The following LSAMP variants were observed in gnomAD, a reference collection of about 807,000 sequenced individuals.
The protein encoded by LSAMP is limbic system-associated membrane protein.
Under a neutral mutation model 38.6 loss-of-function variants are expected in LSAMP, and 7 were observed. The observed-to-expected ratio is 0.18, with a 90% CI of 0.10 to 0.34. The LOEUF is 0.34. LSAMP is among the 10% of genes least tolerant of loss of function. LSAMP has a pLI of 1.00. For missense variants in LSAMP, 313 were observed against 420.0 expected (o/e 0.75, Z 2.23); for synonymous variants, 154 against 166.8 (o/e 0.92, Z 0.59).
At chr3:115,962,559 CTG>C (rs1486416662) in intron 3 of LSAMP, among the ~76,000 whole-genome samples, 1 of 152,158 alleles carries the variant, frequency 6.6e-6, no homozygotes, top group African/African-American at 2.4e-5. Context: ...GGGAATAAAA[CTG>C]TGTATGCTCA....
intron 1 of LSAMP, among the ~76,000 whole-genome samples, chr3:116,415,081 A>C (rs779280889): frequency 1.0e-4 from 15 of 150,560 alleles, no homozygotes; most frequent in Non-Finnish European, 1.3e-4. Flanking sequence ...CCTCCTTCAC[A>C]CTAAAAACGA....
At chr3:116,263,430 C>T (rs1258474654) in intron 1 of LSAMP, among the ~76,000 whole-genome samples, 7 of 151,488 alleles carry the variant, frequency 4.6e-5, no homozygotes, top group South Asian at 2.1e-4. Flanking sequence ...CCCAGCTACT[C>T]GGGAGGCTGA....
intron 1 of LSAMP, among the ~76,000 whole-genome samples, chr3:116,298,148 T>C (rs1015789197): frequency 6.6e-6 from 1 of 152,222 alleles, no homozygotes; most frequent in African/African-American, 2.4e-5. Flanking sequence ...TGTGCTTTTG[T>C]TGCAGACACA....
chr3:115,893,296 T>C (rs938489805), intron 3 of LSAMP, among the ~76,000 whole-genome samples: 6 of 151,964 alleles, frequency 3.9e-5, no homozygotes, highest in Admixed American at 3.3e-4. Context: ...TAAAGTATAA[T>C]AAAGAAATCA....
intron 1 of LSAMP, among the ~76,000 whole-genome samples, chr3:116,090,230 GAGAA>G (rs1211599964): frequency 6.6e-6 from 1 of 150,442 alleles, no homozygotes; most frequent in African/African-American, 2.4e-5. Flanking sequence ...AAAAAAGAAA[GAGAA>G]AGAAAAGAAA....
At chr3:116,056,940 C>T (rs1187214310) in intron 2 of LSAMP, among the ~76,000 whole-genome samples, 1 of 151,878 alleles carries the variant, frequency 6.6e-6, no homozygotes, top group Non-Finnish European at 1.5e-5. Context: ...AAGAGAATGA[C>T]ACAAAAAAAA....
At chr3:115,889,358 G>A (rs66594196) in intron 3 of LSAMP, among the ~76,000 whole-genome samples, 23,932 of 151,886 alleles carry the variant, frequency 0.16, 1,963 homozygotes, top group Middle Eastern at 0.21. Context: ...ATAAGAATGG[G>A]TGTGTTTGCC....
At chr3:116,066,789 A>AC (rs1216947950) in intron 2 of LSAMP, among the ~76,000 whole-genome samples, 1 of 152,206 alleles carries the variant, frequency 6.6e-6, no homozygotes, top group Non-Finnish European at 1.5e-5. Context: ...CTGTTCACCA[A>AC]CCACTGTCAC....
intron 1 of LSAMP, among the ~76,000 whole-genome samples, chr3:116,372,012 G>A (rs1015726435): frequency 3.3e-5 from 5 of 152,090 alleles, no homozygotes; most frequent in East Asian, 1.9e-4. Context: ...AAACATTGCT[G>A]AAAGAAATTA....
chr3:115,909,001 CT>C (rs1937076740), intron 3 of LSAMP, among the ~76,000 whole-genome samples: 1 of 152,144 alleles, frequency 6.6e-6, no homozygotes, highest in African/African-American at 2.4e-5. Context: ...GATAACATAA[CT>C]TTTGGCTTTT....
rs150140808 is a variant in LSAMP at position 116,220,227 on chromosome 3, C to G, written c.156-133671G>C. 8.9e-3 allele frequency among the ~76,000 whole-genome samples: 930 copies of G among 104,788 alleles called. 14 individuals carry two copies. Among genetic ancestry groups the G allele is most frequent in the African/African-American group, 0.027 (884 of 33,328 alleles). The allele number at this position is 104,788 out of a possible 152,430, so 68.7% of individuals were successfully genotyped here. On this transcript the variant is annotated intron_variant, in intron 1 of 6. Transcript: ENST00000490035. ...ACACACACACACAATGAGATATCAC[C>G]TCACACCTCTCAAAATAACTATTAT...
At position 116,240,332 on chromosome 3, in the gene LSAMP, C is replaced by G. The variant is rs975507077; in HGVS notation, c.156-153776G>C. On this transcript the variant is annotated intron_variant, in intron 1 of 6. Transcript: ENST00000490035. ...AACCATGTCAGTGGACCTGGATCTG[C>G]AGCTTTGTGGTTACAAAAATAAAAC... Among the ~76,000 whole-genome samples the G allele has an allele frequency of 3.3e-4, 50 of 152,104 alleles. 3 individuals are homozygous for G. Among genetic ancestry groups the G allele is most frequent in the Non-Finnish European group, 4.4e-5 (3 of 68,034 alleles).
chr3:116,132,738 A>G (rs1292912476), intron 1 of LSAMP, among the ~76,000 whole-genome samples: 1 of 152,172 alleles, frequency 6.6e-6, no homozygotes, highest in Non-Finnish European at 1.5e-5. Flanking sequence ...AAACTAGAAT[A>G]ACTTTTAAAT....
intron 1 of LSAMP, among the ~76,000 whole-genome samples, chr3:116,301,144 G>T (rs937972109): frequency 9.9e-5 from 15 of 151,796 alleles, no homozygotes; most frequent in Non-Finnish European, 1.0e-4. Flanking sequence ...ACTATAACCA[G>T]GATCATTTTA....
At chr3:116,233,441 C>G (rs1053326198) in intron 1 of LSAMP, among the ~76,000 whole-genome samples, 1 of 137,424 alleles carries the variant, frequency 7.3e-6, no homozygotes, top group Non-Finnish European at 1.6e-5. Flanking sequence ...AAAAGATGGA[C>G]TAGGTAATAC....
At chr3:116,374,389 A>G (rs1483726857) in intron 1 of LSAMP, among the ~76,000 whole-genome samples, 1 of 151,922 alleles carries the variant, frequency 6.6e-6, no homozygotes, top group Non-Finnish European at 1.5e-5. Flanking sequence ...CCCATTCCAT[A>G]AGAACGATGC....
chr3:115,820,337 T>C (rs1224934369), intron 6 of LSAMP, among the ~76,000 whole-genome samples: 1 of 152,150 alleles, frequency 6.6e-6, no homozygotes, highest in African/African-American at 2.4e-5. Context: ...GCAGTGAAGG[T>C]ACAAGGTATA....
At chr3:116,225,441 T>A (rs779892340) in intron 1 of LSAMP, among the ~76,000 whole-genome samples, 1 of 152,204 alleles carries the variant, frequency 6.6e-6, no homozygotes, top group East Asian at 1.9e-4. Flanking sequence ...GACTGTGGAC[T>A]TCAGCCTCCC....
intron 1 of LSAMP, among the ~76,000 whole-genome samples, chr3:116,334,262 T>C (rs991870944): frequency 6.6e-6 from 1 of 152,086 alleles, no homozygotes; most frequent in African/African-American, 2.4e-5. Context: ...AAAAATCTTC[T>C]AAGAAATAAA....
Sources: gnomAD v4.1 joint callset for allele counts (sites outside exome capture counted in the v4.1 genomes callset) on GRCh38, gnomAD v4.1.1 for gene constraint, MANE v1.5 for transcripts, NCBI Gene and HGNC (gene_info 2026-07-23, HGNC 2026-07-21) for gene names.